Variants in AGBL4 observed in about 807,000 individuals in gnomAD.
AGBL4 encodes the protein cytosolic carboxypeptidase 6.
AGBL4 carries 58 observed loss-of-function variants against 66.4 expected under a neutral mutation model. The observed-to-expected ratio is 0.87, with a 90% confidence interval of 0.71 to 1.09. The LOEUF (loss-of-function observed/expected upper bound fraction) is 1.09, where lower values mean the gene tolerates loss of function less well. Ranked by LOEUF, AGBL4 falls within the 50% of genes least tolerant of loss-of-function variation. The probability of loss-of-function intolerance (pLI) is 0.00; values close to 1 mark genes in which losing one functional copy is unlikely to be tolerated. For missense variants in AGBL4, 579 were observed against 631.0 expected, an observed-to-expected ratio of 0.92 and a Z score of 0.88; for synonymous variants, 234 against 222.9, an observed-to-expected ratio of 1.05 and a Z score of -0.44.
In AGBL4 at chr1:49,120,505, G is replaced by C. The variant is rs185208720; in HGVS notation, c.378-74705C>G. ...AAAAGTTGAAAAGTCTTTTCTTCAA[G>C]AATGTTGAATATTGGCCCCCACTCT... On this transcript the variant is annotated intron_variant, in intron 4 of 13. Coordinates refer to ENST00000371839, the MANE Select transcript of AGBL4 (RefSeq NM_032785.4). 1.0e-3 allele frequency among the ~76,000 whole-genome samples: 159 copies of C among 152,282 alleles called. 2 individuals carry two copies. Among genetic ancestry groups the C allele is most frequent in the Admixed American group, 3.2e-3 (49 of 15,290 alleles).
chr1:49,215,522 C>G (rs970965480), intron 4 of AGBL4, among the ~76,000 whole-genome samples: 2 of 152,048 alleles, frequency 1.3e-5, no homozygotes, highest in Non-Finnish European at 2.9e-5. Flanking sequence ...TATACATTCT[C>G]AGGGTTCACT....
chr1:48,536,984 CG>C (rs748229528), intron 12 of AGBL4, among the ~76,000 whole-genome samples: 1 of 152,112 alleles, frequency 6.6e-6, no homozygotes, highest in East Asian at 1.9e-4. Context: ...CTTCTGCCAG[CG>C]TGTGAGCAGA....
At chr1:48,772,249 G>T (rs1201112741) in intron 6 of AGBL4, among the ~76,000 whole-genome samples, 1 of 152,244 alleles carries the variant, frequency 6.6e-6, no homozygotes, top group Admixed American at 6.5e-5. Flanking sequence ...AAAGTGAAAA[G>T]AGAGTTCTGA....
intron 9 of AGBL4, among the ~76,000 whole-genome samples, chr1:48,629,646 A>G (rs985601425): frequency 6.6e-5 from 10 of 152,112 alleles, no homozygotes; most frequent in African/African-American, 2.4e-4. Context: ...GGGGGGTAAA[A>G]TGGGGTAGAT....
intron 11 of AGBL4, among the ~76,000 whole-genome samples, chr1:48,555,505 G>A (rs183107984): frequency 1.4e-4 from 22 of 152,326 alleles, no homozygotes; most frequent in Non-Finnish European, 2.4e-4. Context: ...TGTTTGTCAC[G>A]GCTGGAATAT....
At chr1:49,676,298 G>C (rs1646577687) in intron 3 of AGBL4, among the ~76,000 whole-genome samples, 2 of 151,956 alleles carry the variant, frequency 1.3e-5, no homozygotes, top group African/African-American at 4.8e-5. Flanking sequence ...CCCAGTCTAG[G>C]ACTCAGTCTG....
At chr1:48,819,772 C>T (rs1033868224) in intron 6 of AGBL4, among the ~76,000 whole-genome samples, 1 of 152,190 alleles carries the variant, frequency 6.6e-6, no homozygotes, top group African/African-American at 2.4e-5. Flanking sequence ...GCCCATCCAC[C>T]AATGTATGGT....
chr1:48,994,203 A>G (rs924241860), intron 5 of AGBL4, among the ~76,000 whole-genome samples: 2 of 152,016 alleles, frequency 1.3e-5, no homozygotes, highest in Admixed American at 1.3e-4. Context: ...ACGTAATTTC[A>G]CACCTCTATA....
chr1:49,090,641 T>C (rs997739083), intron 4 of AGBL4, among the ~76,000 whole-genome samples: 2 of 152,162 alleles, frequency 1.3e-5, no homozygotes, highest in South Asian at 4.1e-4. Flanking sequence ...GATTCAATAT[T>C]GTTAAAGTGA....
At chr1:48,858,171 A>G (rs1201970267) in intron 6 of AGBL4, among the ~76,000 whole-genome samples, 1 of 152,224 alleles carries the variant, frequency 6.6e-6, no homozygotes, top group Non-Finnish European at 1.5e-5. Flanking sequence ...ATAAAAAGAT[A>G]GATAATAACA....
intron 5 of AGBL4, among the ~76,000 whole-genome samples, chr1:48,878,794 A>T (rs1234049539): frequency 5.3e-5 from 8 of 152,190 alleles, no homozygotes; most frequent in Non-Finnish European, 1.5e-5. Flanking sequence ...TCAAAATAAA[A>T]GTCTGGCACT....
rs768750265 is a variant in AGBL4 at position 48,534,236 on chromosome 1, G to T, written c.1449C>A (p.Tyr483Ter). 1 of 1,551,582 alleles carries T rather than the reference G, an allele frequency of 6.4e-7. No individual in the cohort carries two copies. Residue 483 changes from tyrosine (Y) to a stop codon, truncating the protein, a stop_gained, in exon 14 of 14, where the codon TAC (tyrosine) becomes TAA (stop). Transcript: ENST00000371839. LOFTEE classifies it high-confidence loss of function. ...TCTTCTTGTCCCCTTTGCTGTTGGG[G>T]TAGTTGCTGGCTGGGCCCCGCAGGA... ...HPLLRGPASN[Y>*]PNSKGDKKSS...
intron 4 of AGBL4, among the ~76,000 whole-genome samples, chr1:49,127,001 G>C (rs1386174018): frequency 6.6e-6 from 1 of 151,994 alleles, no homozygotes; most frequent in Non-Finnish European, 1.5e-5. Context: ...AGACTTAAAG[G>C]TATGCTTCCA....
At chr1:49,223,212 G>C (rs1258238976) in intron 4 of AGBL4, among the ~76,000 whole-genome samples, 1 of 152,158 alleles carries the variant, frequency 6.6e-6, no homozygotes, top group Non-Finnish European at 1.5e-5. Context: ...TAGGAATGAA[G>C]AGTTGGGTAC....
intron 1 of AGBL4, among the ~76,000 whole-genome samples, chr1:49,866,558 G>A (rs1053915501): frequency 2.6e-5 from 4 of 152,140 alleles, no homozygotes; most frequent in Non-Finnish European, 4.4e-5. Flanking sequence ...GAGGTCAGGA[G>A]TTCGAGACCA....
At chr1:49,988,428 C>T (rs534195960) in intron 1 of AGBL4, among the ~76,000 whole-genome samples, 2 of 152,192 alleles carry the variant, frequency 1.3e-5, no homozygotes, top group South Asian at 4.1e-4. Flanking sequence ...CCTATATTAC[C>T]CAGGGCTTTG....
chr1:49,324,218 G>C (rs1159015887), intron 3 of AGBL4, among the ~76,000 whole-genome samples: 2 of 152,188 alleles, frequency 1.3e-5, no homozygotes, highest in Non-Finnish European at 2.9e-5. Context: ...TTAATCACCA[G>C]AGAATGTCTT....
intron 3 of AGBL4, among the ~76,000 whole-genome samples, chr1:49,688,332 C>T (rs1489161465): frequency 6.6e-6 from 1 of 152,110 alleles, no homozygotes; most frequent in Non-Finnish European, 1.5e-5. Flanking sequence ...CATGTAAAGT[C>T]TGTTTTTCTG....
At chr1:49,358,372 G>T (rs760612762) in intron 3 of AGBL4, among the ~76,000 whole-genome samples, 1 of 151,746 alleles carries the variant, frequency 6.6e-6, no homozygotes, top group Non-Finnish European at 1.5e-5. Context: ...GTACACTCTC[G>T]TGTAGGCATG....
Sources: allele counts gnomAD v4.1 joint callset (sites outside exome capture counted in the v4.1 genomes callset), GRCh38; gene constraint gnomAD v4.1.1; transcripts MANE v1.5; gene names NCBI Gene and HGNC (gene_info 2026-07-23, HGNC 2026-07-21).